AMD1: variants seen among roughly 807,000 people sequenced by gnomAD.
AMD1 encodes the protein S-adenosylmethionine decarboxylase proenzyme.
A neutral mutation model predicts 40.2 loss-of-function variants in AMD1; 11 were observed. The ratio of observed to expected loss-of-function variants is 0.27; its 90% confidence interval spans 0.17 to 0.45. The LOEUF (loss-of-function observed/expected upper bound fraction) is 0.45. AMD1 is among the 20% of genes least tolerant of loss of function. The probability of loss-of-function intolerance (pLI) is 1.00; values close to 1 mark genes in which losing one functional copy is unlikely to be tolerated. For synonymous variants in AMD1, 121 were observed against 130.8 expected (o/e 0.93, Z 0.51); for missense variants, 257 against 410.2 (o/e 0.63, Z 3.23).
chr6:110,869,124 T>C, the AMD1 span, among the ~76,000 whole-genome samples: 1 of 152,110 alleles, frequency 6.6e-6, no homozygotes, highest in African/African-American at 2.4e-5. Flanking sequence ...GTTTCTTTCT[T>C]CATTACTTTA....
At chr6:110,821,473 G>C in the AMD1 span, among the ~76,000 whole-genome samples, 3 of 152,092 alleles carry the variant, frequency 2.0e-5, no homozygotes, top group Non-Finnish European at 4.4e-5. Context: ...AATTAGCCGA[G>C]TGTGGTGGCG....
At chr6:110,874,135 C>T (rs189767015), upstream of AMD1, among the ~76,000 whole-genome samples, 97 of 152,344 alleles carry the variant, frequency 6.4e-4, no homozygotes, top group African/African-American at 2.2e-3. Flanking sequence ...TTGCTTTTCT[C>T]TTCTGAAATA....
At chr6:110,853,369 G>A in the AMD1 span, among the ~76,000 whole-genome samples, 6 of 151,216 alleles carry the variant, frequency 4.0e-5, no homozygotes, top group African/African-American at 1.2e-4. Flanking sequence ...GTGCAGTAGC[G>A]TGATCTCAGC....
the AMD1 span, among the ~76,000 whole-genome samples, chr6:110,835,154 G>A: frequency 2.6e-5 from 4 of 151,128 alleles, no homozygotes; most frequent in South Asian, 8.4e-4. Context: ...AAGTAGCTGG[G>A]ACTACAGGCG....
intron 1 of AMD1, 94 bp downstream of exon 1, chr6:110,875,309 T>G: frequency 9.5e-7 from 1 of 1,047,708 alleles, no homozygotes; most frequent in Non-Finnish European, 1.4e-6. Context: ...TCCCTCAGCT[T>G]TCAGTTGGGG....
rs530489057 is a variant in AMD1 at position 110,892,655 on chromosome 6, C to G, written c.616-80C>G. 1.7e-5 allele frequency: 26 copies of G among 1,533,446 alleles called. No individual in the cohort carries two copies. In the African/African-American group the frequency reaches 3.1e-4, roughly 19 times the overall value. 95.0% of individuals were successfully genotyped at this position (1,533,446 alleles called of 1,614,324 possible). On this transcript the variant is annotated intron_variant, in intron 6 of 8. Coordinates refer to ENST00000368885, the MANE Select transcript of AMD1 (RefSeq NM_001634.6). ...ATTTTTCCTGGTCCTCTCCCTTCTC[C>G]CACCCTGGGACTAAATTTTGGACTC...
chr6:110,875,274 C>A, intron 1 of AMD1, 59 bp downstream of exon 1: 1 of 1,363,906 alleles, frequency 7.3e-7, no homozygotes, highest in Non-Finnish European at 1.0e-6. Flanking sequence ...GCCGCCGAGG[C>A]ACCAGCCACG....
chr6:110,814,799 C>A, the AMD1 span: 17 of 693,734 alleles, frequency 2.5e-5, no homozygotes, highest in East Asian at 5.1e-4. Flanking sequence ...GACCGGGCTG[C>A]GCCGCGGGAG....
At chr6:110,887,462 G>C in intron 1 of AMD1, 43 bp from the exon 2 acceptor site, 1 of 1,383,950 alleles carries the variant, frequency 7.2e-7, no homozygotes, top group Non-Finnish European at 1.0e-6. Context: ...TGAGTAGGTG[G>C]GTACTATTGT....
At chr6:110,823,399 T>A in the AMD1 span, among the ~76,000 whole-genome samples, 17 of 152,300 alleles carry the variant, frequency 1.1e-4, no homozygotes, top group Admixed American at 9.2e-4. Flanking sequence ...GAGAAAGGAA[T>A]GAAAGGCATC....
the AMD1 span, among the ~76,000 whole-genome samples, chr6:110,823,607 G>T: frequency 2.0e-5 from 3 of 151,984 alleles, no homozygotes; most frequent in Non-Finnish European, 4.4e-5. Context: ...TCAAGAAAAA[G>T]AATTTTCTTC....
the AMD1 span, among the ~76,000 whole-genome samples, chr6:110,824,752 C>T: frequency 6.6e-6 from 1 of 151,930 alleles, no homozygotes; most frequent in Non-Finnish European, 1.5e-5. Flanking sequence ...AAGGTAAGGG[C>T]AAAGGGCTTG....
intron 1 of AMD1, among the ~76,000 whole-genome samples, chr6:110,878,195 G>A (rs1032632978): frequency 3.3e-5 from 5 of 152,056 alleles, no homozygotes; most frequent in Non-Finnish European, 7.4e-5. Flanking sequence ...ACTTCCCTCG[G>A]TTTTCTCATC....
the AMD1 span, among the ~76,000 whole-genome samples, chr6:110,842,362 G>A: frequency 6.6e-6 from 1 of 152,220 alleles, no homozygotes; most frequent in African/African-American, 2.4e-5. Context: ...ATCTATGCTG[G>A]GGAGAAAAAG....
intron 2 of AMD1, among the ~76,000 whole-genome samples, chr6:110,887,878 GT>G (rs1222553884): frequency 3.3e-5 from 5 of 152,046 alleles, no homozygotes; most frequent in Non-Finnish European, 5.9e-5. Flanking sequence ...TAGAGACGGG[GT>G]TTCACCATGT....
At chr6:110,844,972 A>C in the AMD1 span, among the ~76,000 whole-genome samples, 1 of 151,420 alleles carries the variant, frequency 6.6e-6, no homozygotes, top group Non-Finnish European at 1.5e-5. Context: ...CCAGCAAATC[A>C]CATGGAGAGA....
intron 1 of AMD1, among the ~76,000 whole-genome samples, chr6:110,885,004 ATATT>A (rs1192665032): frequency 6.6e-6 from 1 of 152,202 alleles, no homozygotes; most frequent in Non-Finnish European, 1.5e-5. Flanking sequence ...ATCATAGTGG[ATATT>A]TTTATTTACC....
the AMD1 span, among the ~76,000 whole-genome samples, chr6:110,818,601 C>T: frequency 1.3e-5 from 2 of 152,020 alleles, no homozygotes; most frequent in African/African-American, 4.8e-5. Context: ...AATGCTGTGG[C>T]GCGATCTCAC....
chr6:110,870,363 A>T (rs12213241), upstream of AMD1, among the ~76,000 whole-genome samples: 50 of 152,106 alleles, frequency 3.3e-4, no homozygotes, highest in Non-Finnish European at 5.9e-4. Flanking sequence ...GGTGGCTCAC[A>T]CTTGTAATGC....
Sources: gnomAD v4.1 joint callset for allele counts (sites outside exome capture counted in the v4.1 genomes callset) on GRCh38, gnomAD v4.1.1 for gene constraint, MANE v1.5 for transcripts, NCBI Gene and HGNC (gene_info 2026-07-23, HGNC 2026-07-21) for gene names.